The following ERMARD variants were observed in gnomAD, a reference collection of about 807,000 sequenced individuals.
The protein encoded by ERMARD is endoplasmic reticulum membrane-associated RNA degradation protein.
ERMARD carries 71 observed loss-of-function variants against 83.9 expected under a neutral mutation model. That is an observed-to-expected ratio of 0.85 (90% CI 0.70 to 1.03). The LOEUF (loss-of-function observed/expected upper bound fraction) is 1.03, where lower values mean the gene tolerates loss of function less well. Among genes scored for constraint, ERMARD ranks in the 50% least tolerant of loss-of-function variants. The pLI is 0.00. For missense variants in ERMARD, 838 were observed against 810.9 expected (o/e 1.03, Z -0.41); for synonymous variants, 284 against 298.6 (o/e 0.95, Z 0.50).
chr6:169,758,749 C>G (rs1450708547), intron 5 of ERMARD, among the ~76,000 whole-genome samples: 2 of 152,156 alleles, frequency 1.3e-5, no homozygotes, highest in African/African-American at 4.8e-5. Context: ...TAGTACCTTC[C>G]TCATAGGTTG....
At position 169,762,441 on chromosome 6, in the gene ERMARD, C is replaced by T. The variant is rs11966349; in HGVS notation, c.870C>T (p.Cys290=). 0.11 allele frequency: 178,570 copies of T among 1,612,068 alleles called. 12,419 individuals are homozygous for T. Among genetic ancestry groups the T allele is most frequent in the East Asian group, 0.28 (12,373 of 44,834 alleles). ...TTCAATTTCATAGGTTTGCTGACTGCGCCATATTGTTGCTGACACAACTGG... is the reference window on the plus strand; with the variant it reads ...TTCAATTTCATAGGTTTGCTGACTGTGCCATATTGTTGCTGACACAACTGG... ...VKFKSHRFAD[C]AILLLTQLET... Residue 290 remains cysteine (C), a synonymous_variant, in exon 9 of 18, where the codon TGC becomes TGT. Transcript: ENST00000366773.
At chr6:169,765,028 C>T (rs1207702674) in intron 9 of ERMARD, among the ~76,000 whole-genome samples, 2 of 152,244 alleles carry the variant, frequency 1.3e-5, no homozygotes, top group African/African-American at 4.8e-5. Context: ...GCTGCCCATG[C>T]CCAGTGCCTT....
intron 16 of ERMARD, 76 bp from the exon 17 acceptor site, chr6:169,779,106 G>A (rs1050141938): frequency 3.9e-6 from 5 of 1,270,274 alleles, no homozygotes; most frequent in Admixed American, 1.7e-5. Context: ...TTGATTAGGT[G>A]AAACATCTTT....
intron 1 of ERMARD, 167 bp downstream of exon 1, chr6:169,751,830 G>GT: frequency 9.7e-7 from 1 of 1,034,948 alleles, no homozygotes; most frequent in Non-Finnish European, 1.3e-6. Flanking sequence ...CTCTGTGGCG[G>GT]TATCGGACGC....
chr6:169,766,739 T>C (rs1792262146), intron 10 of ERMARD, 72 bp downstream of exon 10: 3 of 1,440,064 alleles, frequency 2.1e-6, no homozygotes, highest in African/African-American at 1.5e-5. Flanking sequence ...CAAATTAAAA[T>C]GCAAAATTAA....
In ERMARD at chr6:169,769,522, CT is replaced by C. The variant is rs140121795; in HGVS notation, c.1060-17del. The stretch of plus-strand genomic sequence containing the variant: ...TGCGGATACTAACAAAATATTTTCT[CT>C]GTTTAATTTCTGAAAGGAATTTCTC... On this transcript the variant is annotated splice_polypyrimidine_tract_variant and intron_variant, in intron 11 of 17. Transcript: ENST00000366773. 2,652 of 1,590,830 alleles carry C rather than the reference CT, an allele frequency of 1.7e-3. 87 individuals carry two copies. The East Asian group carries it at 0.054, about 33-fold the overall frequency.
At chr6:169,755,234 CAT>C (rs749382817) in intron 2 of ERMARD, 47 bp from the exon 3 acceptor site, 35 of 1,562,738 alleles carry the variant, frequency 2.2e-5, no homozygotes, top group Middle Eastern at 1.8e-4. Flanking sequence ...TATTTTATAT[CAT>C]GTGATATGGA....
At chr6:169,760,792 G>A (rs773407947) in intron 8 of ERMARD, 36 bp downstream of exon 8, 80 of 1,410,874 alleles carry the variant, frequency 5.7e-5, no homozygotes. Context: ...GGTTTGCAGT[G>A]GTTGGAGGCC....
At chr6:169,758,260 A>G (rs1405586756) in intron 5 of ERMARD, among the ~76,000 whole-genome samples, 2 of 152,202 alleles carry the variant, frequency 1.3e-5, no homozygotes, top group East Asian at 3.8e-4. Flanking sequence ...TTCTCCTATG[A>G]CATGAATTCT....
intron 7 of ERMARD, 86 bp from the exon 8 acceptor site, chr6:169,760,556 C>G: frequency 1.1e-6 from 1 of 947,512 alleles, no homozygotes; most frequent in South Asian, 1.6e-5. Flanking sequence ...AAGGGGTTGG[C>G]TCATTGGCAT....
At chr6:169,778,411 T>G (rs1793833764) in intron 16 of ERMARD, among the ~76,000 whole-genome samples, 1 of 152,208 alleles carries the variant, frequency 6.6e-6, no homozygotes, top group African/African-American at 2.4e-5. Context: ...AACAGCAGAT[T>G]ATATTTGGAT....
At chr6:169,779,359 T>TAGGA (rs1793949782) in intron 17 of ERMARD, 64 bp downstream of exon 17, 1 of 1,424,074 alleles carries the variant, frequency 7.0e-7, no homozygotes, top group Non-Finnish European at 9.9e-7. Context: ...GGTGAGCCTG[T>TAGGA]AGGAGTGAGA....
At chr6:169,762,040 C>T (rs983373205) in intron 8 of ERMARD, among the ~76,000 whole-genome samples, 3 of 151,954 alleles carry the variant, frequency 2.0e-5, no homozygotes, top group African/African-American at 7.3e-5. Flanking sequence ...CTTTTGATAT[C>T]TAGACTGCAG....
chr6:169,751,497 A>G (rs764064119), upstream of ERMARD: 8 of 1,610,326 alleles, frequency 5.0e-6, no homozygotes, highest in African/African-American at 1.3e-5. Context: ...CCTCCCCTTC[A>G]CCGCCGGCGG....
rs556539571 is a variant in ERMARD, at chr6:169,768,120, G to C, written c.1008G>C (p.Leu336Phe). 3 of 1,613,926 alleles carry C rather than the reference G, an allele frequency of 1.9e-6. No homozygotes were observed. The highest frequency in any genetic ancestry group is 2.5e-6 in the Non-Finnish European group (3 of 1,179,956). Residue 336 changes from leucine (L) to phenylalanine (F), a missense_variant, in exon 11 of 18, where the codon TTG (leucine) becomes TTC (phenylalanine). Transcript: ENST00000366773. ...TGTTTTAGATATTGGCAAAACACTT[G>C]AATGATGGTAAAATCAATCAGCTTC... The part of the protein sequence containing the change: ...TTFDQILAKH[L>F]NDGKINQLPL...
chr6:169,758,918 G>A (rs1791165407), intron 5 of ERMARD, 50 bp from the exon 6 acceptor site: 1 of 1,489,184 alleles, frequency 6.7e-7, no homozygotes, highest in Non-Finnish European at 9.3e-7. Flanking sequence ...TACTATATTG[G>A]TTTATTCAGT....
upstream of ERMARD, chr6:169,751,402 G>A: frequency 1.2e-6 from 2 of 1,614,136 alleles, no homozygotes; most frequent in Non-Finnish European, 8.5e-7. Flanking sequence ...CCTGCTGAGG[G>A]GTCTGGTTCG....
rs1791319456 is a variant in ERMARD at position 169,759,943 on chromosome 6, T to C, written c.711T>C (p.Leu237=). The C allele has an allele frequency of 6.2e-7, 1 of 1,614,114 alleles. No individual in the cohort carries two copies. Among genetic ancestry groups the C allele is most frequent in the Non-Finnish European group, 8.5e-7 (1 of 1,180,044 alleles). Residue 237 remains leucine, a synonymous_variant, in exon 7 of 18, where the codon CTT becomes CTC. Transcript: ENST00000366773. ...LTLAHRSFIS[L]TNLEDLIVFP... is the part of the protein sequence containing the mutation. ...TGGCACATCGCTCTTTCATATCTCT[T>C]ACAAACCTCGAGGATTTGATTGTTT...
chr6:169,758,915 T>C (rs1585354409), intron 5 of ERMARD, 53 bp from the exon 6 acceptor site: 2 of 1,463,228 alleles, frequency 1.4e-6, no homozygotes, highest in East Asian at 2.3e-5. Context: ...TCATACTATA[T>C]TGGTTTATTC....
Sources: allele counts gnomAD v4.1 joint callset (sites outside exome capture counted in the v4.1 genomes callset), GRCh38; gene constraint gnomAD v4.1.1; transcripts MANE v1.5; gene names NCBI Gene and HGNC (gene_info 2026-07-23, HGNC 2026-07-21).